ZFPM2: variants seen among roughly 807,000 people sequenced by gnomAD.
The protein encoded by ZFPM2 is zinc finger protein ZFPM2.
Under a neutral mutation model 98.6 loss-of-function variants are expected in ZFPM2, and 20 were observed. That is an observed-to-expected ratio of 0.20 (90% CI 0.14 to 0.29). ZFPM2 has a LOEUF of 0.29. Ranked by LOEUF, ZFPM2 falls within the 10% of genes least tolerant of loss-of-function variation. ZFPM2 has a pLI of 1.00. For synonymous variants in ZFPM2, 518 were observed against 502.7 expected, an observed-to-expected ratio of 1.03 and a Z score of -0.41; for missense variants, 1,310 against 1,388.6, an observed-to-expected ratio of 0.94 and a Z score of 0.90.
intron 1 of ZFPM2, among the ~76,000 whole-genome samples, chr8:105,324,383 A>G (rs1563603911): frequency 6.6e-6 from 1 of 151,814 alleles, no homozygotes; most frequent in Non-Finnish European, 1.5e-5. Context: ...TTTCTTGTTC[A>G]TGAACTGTCC....
At position 105,395,374 on chromosome 8, in the gene ZFPM2, A is replaced by G. The variant is rs1050274198; in HGVS notation, c.41-23770A>G. 5.3e-4 allele frequency among the ~76,000 whole-genome samples: 81 copies of G among 152,308 alleles called. 1 individual carries two copies. The highest frequency in any genetic ancestry group is 7.4e-5 in the Non-Finnish European group (5 of 68,026). On this transcript the variant is annotated intron_variant, in intron 1 of 7. Transcript: ENST00000407775. Reference sequence around the variant, plus strand: ...ACCTTTTTCTTATATTCTTGTAAATAAGAAGGGGGTCATTTAATTCTTAGT... The same window carrying G: ...ACCTTTTTCTTATATTCTTGTAAATGAGAAGGGGGTCATTTAATTCTTAGT...
intron 5 of ZFPM2, among the ~76,000 whole-genome samples, chr8:105,694,002 T>A (rs1301821326): frequency 6.9e-6 from 1 of 145,758 alleles, no homozygotes; most frequent in Non-Finnish European, 1.5e-5. Context: ...TTTTTTTTTT[T>A]GAGATGGAGT....
intron 4 of ZFPM2, among the ~76,000 whole-genome samples, chr8:105,621,038 TA>T (rs1816530293): frequency 1.3e-5 from 2 of 152,194 alleles, no homozygotes; most frequent in Non-Finnish European, 2.9e-5. Flanking sequence ...ATATGAAATT[TA>T]AAGTAGTTTT....
intron 5 of ZFPM2, among the ~76,000 whole-genome samples, chr8:105,643,478 A>G (rs1206751534): frequency 6.6e-6 from 1 of 151,750 alleles, no homozygotes; most frequent in Non-Finnish European, 1.5e-5. Context: ...CCAGCTCTCC[A>G]CTTTCTCCTG....
At chr8:105,742,390 A>G (rs1039636052) in intron 5 of ZFPM2, among the ~76,000 whole-genome samples, 1 of 151,454 alleles carries the variant, frequency 6.6e-6, no homozygotes, top group African/African-American at 2.4e-5. Context: ...AAAAAAAAAA[A>G]AAAAAAAAAG....
intron 3 of ZFPM2, among the ~76,000 whole-genome samples, chr8:105,502,543 CT>C (rs1489211930): frequency 2.6e-5 from 4 of 152,160 alleles, no homozygotes; most frequent in African/African-American, 9.7e-5. Flanking sequence ...GTCAGCTTAG[CT>C]TTGATACCAA....
chr8:105,735,171 A>G (rs1170883017), intron 5 of ZFPM2, among the ~76,000 whole-genome samples: 1 of 149,202 alleles, frequency 6.7e-6, no homozygotes, highest in East Asian at 2.0e-4. Context: ...ATAGATCTAT[A>G]TAGATAAATA....
At chr8:105,645,323 A>G (rs950492484) in intron 5 of ZFPM2, among the ~76,000 whole-genome samples, 4 of 152,112 alleles carry the variant, frequency 2.6e-5, no homozygotes, top group East Asian at 1.9e-4. Context: ...TTCTCTGACT[A>G]TTGTTCTCTG....
chr8:105,718,705 C>A (rs1320058629), intron 5 of ZFPM2, among the ~76,000 whole-genome samples: 1 of 151,676 alleles, frequency 6.6e-6, no homozygotes, highest in Non-Finnish European at 1.5e-5. Context: ...TTGTCCCTGC[C>A]CTGATTCTGT....
At chr8:105,714,318 A>G (rs1811468667) in intron 5 of ZFPM2, among the ~76,000 whole-genome samples, 1 of 152,082 alleles carries the variant, frequency 6.6e-6, no homozygotes, top group Admixed American at 6.6e-5. Flanking sequence ...TTGTTTCTGT[A>G]TCCTGAAACT....
At chr8:105,670,480 A>G (rs1166941274) in intron 5 of ZFPM2, among the ~76,000 whole-genome samples, 1 of 128,544 alleles carries the variant, frequency 7.8e-6, no homozygotes, top group African/African-American at 3.1e-5. Context: ...TGGGCGACAG[A>G]GCGAGAGTCC....
At chr8:105,380,636 ATATATATAT>A (rs1315711984) in intron 1 of ZFPM2, among the ~76,000 whole-genome samples, 12 of 15,708 alleles carry the variant, frequency 7.6e-4, no homozygotes, top group African/African-American at 1.6e-3. Context: ...CATATATATT[ATATATATAT>A]TATATATATA....
At chr8:105,580,593 G>T (rs1029625316) in intron 4 of ZFPM2, among the ~76,000 whole-genome samples, 3 of 151,908 alleles carry the variant, frequency 2.0e-5, no homozygotes, top group African/African-American at 7.3e-5. Flanking sequence ...TTCGCTTGAC[G>T]ATGTTAACAA....
intron 2 of ZFPM2, among the ~76,000 whole-genome samples, chr8:105,443,738 A>C (rs1812312728): frequency 6.6e-6 from 1 of 152,204 alleles, no homozygotes; most frequent in South Asian, 2.1e-4. Flanking sequence ...GAGTTGAGTC[A>C]CTGGCTAATC....
chr8:105,357,749 A>G (rs1024821872), intron 1 of ZFPM2, among the ~76,000 whole-genome samples: 1 of 152,168 alleles, frequency 6.6e-6, no homozygotes, highest in African/African-American at 2.4e-5. Context: ...TTTCACTTTC[A>G]ATAACTGACT....
chr8:105,325,786 G>A lies in ZFPM2; in HGVS notation c.40+6805G>A, dbSNP rs1250328285. On this transcript the variant is annotated intron_variant, in intron 1 of 7. Transcript: ENST00000407775. ...CGTTACTGTCAGGCCGTCTTTTTGA[G>A]ATGACAAAAAGGTAGAGAAGAATTG... Among the ~76,000 whole-genome samples, 9 of 151,836 alleles carry A rather than the reference G, an allele frequency of 5.9e-5. No homozygotes were observed. The East Asian group carries it at 1.7e-3, about 29-fold the overall frequency.
chr8:105,633,538 T>G (rs1453733139), intron 4 of ZFPM2, among the ~76,000 whole-genome samples: 1 of 152,210 alleles, frequency 6.6e-6, no homozygotes. Flanking sequence ...CTATTTAACA[T>G]GTACACTAAA....
intron 5 of ZFPM2, among the ~76,000 whole-genome samples, chr8:105,715,142 G>A (rs919031153): frequency 2.0e-5 from 3 of 152,038 alleles, no homozygotes; most frequent in Non-Finnish European, 4.4e-5. Flanking sequence ...GCTCATGCCA[G>A]TAATCCCATA....
intron 1 of ZFPM2, among the ~76,000 whole-genome samples, chr8:105,371,347 T>C (rs1810618674): frequency 6.6e-6 from 1 of 152,182 alleles, no homozygotes; most frequent in East Asian, 1.9e-4. Context: ...ATCTAGAAGG[T>C]TAAAGGAGGT....
Sources: allele counts gnomAD v4.1 joint callset (sites outside exome capture counted in the v4.1 genomes callset), GRCh38; gene constraint gnomAD v4.1.1; transcripts MANE v1.5; gene names NCBI Gene and HGNC (gene_info 2026-07-23, HGNC 2026-07-21).